The following LRRC7 variants were observed in gnomAD, a reference collection of about 807,000 sequenced individuals.
LRRC7 encodes leucine-rich repeat-containing protein 7.
LRRC7 carries 23 observed loss-of-function variants against 175.7 expected under a neutral mutation model. The observed-to-expected ratio is 0.13, with a 90% CI of 0.09 to 0.19. The LOEUF (loss-of-function observed/expected upper bound fraction) is 0.19. LRRC7 is among the 10% of genes least tolerant of loss of function. The pLI is 1.00. For synonymous variants in LRRC7, 685 were observed against 680.9 expected (o/e 1.01, Z -0.09); for missense variants, 1,354 against 1,904.7 (o/e 0.71, Z 5.38).
chr1:69,691,307 T>C (rs1460951277), intron 2 of LRRC7, among the ~76,000 whole-genome samples: 3 of 152,140 alleles, frequency 2.0e-5, no homozygotes, highest in Non-Finnish European at 4.4e-5. Context: ...TACAAAAAGA[T>C]TATTATTGTA....
chr1:69,689,268 G>C (rs1661552500), intron 2 of LRRC7, among the ~76,000 whole-genome samples: 1 of 152,128 alleles, frequency 6.6e-6, no homozygotes, highest in Non-Finnish European at 1.5e-5. Context: ...GGCTGCAGGA[G>C]CTCAGAAAGG....
chr1:69,838,753 T>C (rs1166662928), intron 7 of LRRC7, among the ~76,000 whole-genome samples: 5 of 151,986 alleles, frequency 3.3e-5, no homozygotes, highest in Non-Finnish European at 5.9e-5. Flanking sequence ...GTAGAAGTTA[T>C]ATATTCTTGC....
At chr1:70,097,371 G>A (rs959276094) in intron 25 of LRRC7, among the ~76,000 whole-genome samples, 2 of 152,142 alleles carry the variant, frequency 1.3e-5, no homozygotes, top group African/African-American at 4.8e-5. Context: ...CAGTCTGACT[G>A]AATATAGCTT....
chr1:70,120,168 T>A (rs1257683086), intron 26 of LRRC7, among the ~76,000 whole-genome samples: 1 of 152,132 alleles, frequency 6.6e-6, no homozygotes, highest in African/African-American at 2.4e-5. Context: ...GTCTGATTTT[T>A]AGTATAACGC....
At chr1:69,839,878 A>C (rs1249776441) in intron 7 of LRRC7, among the ~76,000 whole-genome samples, 1 of 152,172 alleles carries the variant, frequency 6.6e-6, no homozygotes, top group Non-Finnish European at 1.5e-5. Flanking sequence ...TGTGTGAATA[A>C]ATCAGAGTAA....
At chr1:69,888,216 C>T (rs199624534) in intron 7 of LRRC7, among the ~76,000 whole-genome samples, 4 of 152,202 alleles carry the variant, frequency 2.6e-5, no homozygotes, top group East Asian at 3.9e-4. Flanking sequence ...CCTCCCCCAG[C>T]CTCACTGCCT....
intron 1 of LRRC7, among the ~76,000 whole-genome samples, chr1:69,587,373 C>T (rs908649206): frequency 1.1e-4 from 16 of 152,148 alleles, no homozygotes; most frequent in Admixed American, 5.9e-4. Context: ...CTGAGTGGAC[C>T]TCACTGATCC....
At chr1:69,779,737 AT>A (rs1370242046) in intron 3 of LRRC7, among the ~76,000 whole-genome samples, 1 of 152,238 alleles carries the variant, frequency 6.6e-6, no homozygotes, top group East Asian at 1.9e-4. Context: ...CTAGGTATCT[AT>A]TGTAGTCACA....
chr1:70,082,655 A>G (rs562275981), intron 24 of LRRC7, among the ~76,000 whole-genome samples: 268 of 152,058 alleles, frequency 1.8e-3, no homozygotes, highest in South Asian at 3.3e-3. Context: ...TTTAAAATTT[A>G]TTTCCAGACT....
intron 4 of LRRC7, among the ~76,000 whole-genome samples, chr1:69,799,923 T>C (rs1311442393): frequency 6.6e-6 from 1 of 152,050 alleles, no homozygotes; most frequent in Non-Finnish European, 1.5e-5. Flanking sequence ...TTTCCATATA[T>C]GGTGAGAGAT....
intron 7 of LRRC7, among the ~76,000 whole-genome samples, chr1:69,853,947 G>C (rs1448586455): frequency 6.6e-6 from 1 of 152,156 alleles, no homozygotes. Flanking sequence ...GTTTTGAATA[G>C]ATGATACAGA....
intron 1 of LRRC7, among the ~76,000 whole-genome samples, chr1:69,584,568 A>G (rs965877619): frequency 1.3e-5 from 2 of 152,148 alleles, no homozygotes; most frequent in African/African-American, 4.8e-5. Context: ...TCACATAAAT[A>G]TTGTGAAGAT....
intron 25 of LRRC7, among the ~76,000 whole-genome samples, chr1:70,105,636 A>G (rs1466867671): frequency 6.6e-6 from 1 of 152,160 alleles, no homozygotes; most frequent in Non-Finnish European, 1.5e-5. Flanking sequence ...ATATCATTCT[A>G]CTGTATGGAT....
chr1:69,615,007 T>A (rs1371554983), intron 1 of LRRC7, among the ~76,000 whole-genome samples: 1 of 152,086 alleles, frequency 6.6e-6, no homozygotes, highest in African/African-American at 2.4e-5. Flanking sequence ...ACTTTTTCCA[T>A]CTTTGAGCCA....
chr1:69,914,664 ATTC>A (rs1646633198), intron 7 of LRRC7, among the ~76,000 whole-genome samples: 1 of 152,194 alleles, frequency 6.6e-6, no homozygotes, highest in Non-Finnish European at 1.5e-5. Context: ...TTATATCTTT[ATTC>A]ATGGTCTGGA....
intron 1 of LRRC7, among the ~76,000 whole-genome samples, chr1:69,589,008 T>TGTGTGTGTGTGTGC (rs756682853): frequency 6.6e-6 from 1 of 151,448 alleles, no homozygotes; most frequent in Non-Finnish European, 1.5e-5. Context: ...TGTGTGTGTG[T>TGTGTGTGTGTGTGC]GCGTGCATGT....
chr1:69,594,823 A>G (rs941224672), intron 1 of LRRC7, among the ~76,000 whole-genome samples: 1 of 152,108 alleles, frequency 6.6e-6, no homozygotes, highest in Non-Finnish European at 1.5e-5. Context: ...ATCACCTTGC[A>G]TTGAATCCAC....
At chr1:69,904,441 C>T (rs1646232473) in intron 7 of LRRC7, among the ~76,000 whole-genome samples, 1 of 151,774 alleles carries the variant, frequency 6.6e-6, no homozygotes, top group African/African-American at 2.4e-5. Context: ...CTCTGATATC[C>T]ACAGAATAAT....
At chr1:69,837,813 C>G (rs1370205277) in intron 6 of LRRC7, among the ~76,000 whole-genome samples, 3 of 151,266 alleles carry the variant, frequency 2.0e-5, no homozygotes, top group African/African-American at 4.8e-5. Context: ...TGATGTAACC[C>G]TACTCATAAT....
Sources: gnomAD v4.1 joint callset for allele counts (sites outside exome capture counted in the v4.1 genomes callset) on GRCh38, gnomAD v4.1.1 for gene constraint, MANE v1.5 for transcripts, NCBI Gene and HGNC (gene_info 2026-07-23, HGNC 2026-07-21) for gene names.